Variants in LRRC4C observed in about 807,000 individuals in gnomAD.
The protein encoded by LRRC4C is leucine-rich repeat-containing protein 4C.
In LRRC4C, 5 loss-of-function variants were observed where a neutral mutation model predicts 33.6. The observed-to-expected ratio is 0.15, with a 90% confidence interval of 0.08 to 0.31. The LOEUF is 0.31. Ranked by LOEUF, LRRC4C falls within the 10% of genes least tolerant of loss-of-function variation. The pLI is 1.00. For synonymous variants in LRRC4C, 329 were observed against 302.0 expected, an observed-to-expected ratio of 1.09 and a Z score of -0.93; for missense variants, 560 against 796.7, an observed-to-expected ratio of 0.70 and a Z score of 3.58.
At chr11:41,391,280 G>C (rs981015787) in intron 1 of LRRC4C, among the ~76,000 whole-genome samples, 1 of 151,830 alleles carries the variant, frequency 6.6e-6, no homozygotes, top group Non-Finnish European at 1.5e-5. Flanking sequence ...GAAAAAAATA[G>C]AGCTAAAATA....
chr11:40,118,918 G>T lies in LRRC4C; in HGVS notation c.-42-2584C>A, dbSNP rs553698694. ...CACAGACAAGCAATGGAAGAAACTAGTGGCAAGCAGAGCAATTAGGAAGAC... is the reference window on the plus strand; with the variant it reads ...CACAGACAAGCAATGGAAGAAACTATTGGCAAGCAGAGCAATTAGGAAGAC... On this transcript the variant is annotated intron_variant, in intron 6 of 6. Coordinates refer to ENST00000528697, the MANE Select transcript of LRRC4C (RefSeq NM_001258419.2). Among the ~76,000 whole-genome samples the T allele has an allele frequency of 6.6e-5, 10 of 152,290 alleles. No individual in the cohort carries two copies. The East Asian group carries it at 1.7e-3, about 26-fold the overall frequency.
intron 1 of LRRC4C, among the ~76,000 whole-genome samples, chr11:40,975,052 C>T (rs1467098217): frequency 6.6e-6 from 1 of 152,170 alleles, no homozygotes; most frequent in Non-Finnish European, 1.5e-5. Context: ...TTGTGGAACT[C>T]CTCAGCTTCC....
chr11:40,759,717 C>G (rs1949111518), intron 2 of LRRC4C, among the ~76,000 whole-genome samples: 1 of 151,840 alleles, frequency 6.6e-6, no homozygotes, highest in Non-Finnish European at 1.5e-5. Context: ...TTATCAACTC[C>G]TTGTCGATAT....
intron 1 of LRRC4C, among the ~76,000 whole-genome samples, chr11:41,262,737 T>C (rs191679933): frequency 3.5e-4 from 54 of 152,222 alleles, no homozygotes; most frequent in African/African-American, 1.2e-3. Context: ...TCTGGAAATG[T>C]TTTTGAAATA....
At position 40,455,824 on chromosome 11, in the gene LRRC4C, A is replaced by T. The variant is rs374761394; in HGVS notation, c.-269-136103T>A. On this transcript the variant is annotated intron_variant, in intron 3 of 6. Coordinates refer to ENST00000528697, the MANE Select transcript of LRRC4C (RefSeq NM_001258419.2). ...TAGCACAGAACTGTATTGTGGGCAT[A>T]TTTTTTTCTCTCTCTCTGTGTTGGC... Among the ~76,000 whole-genome samples the T allele has an allele frequency of 1.0e-3, 155 of 152,040 alleles. 3 individuals carry two copies. The East Asian group carries it at 0.024, about 24-fold the overall frequency.
At chr11:40,297,256 T>A (rs989346354) in intron 4 of LRRC4C, among the ~76,000 whole-genome samples, 1 of 152,254 alleles carries the variant, frequency 6.6e-6, no homozygotes, top group Non-Finnish European at 1.5e-5. Context: ...GTCTTTATGC[T>A]GTGTTATAAA....
intron 4 of LRRC4C, among the ~76,000 whole-genome samples, chr11:40,303,901 A>G (rs1186274649): frequency 6.6e-6 from 1 of 152,200 alleles, no homozygotes; most frequent in Non-Finnish European, 1.5e-5. Flanking sequence ...GTGATTGAAT[A>G]TTATTCAACC....
At chr11:40,964,722 A>T (rs1041894867) in intron 1 of LRRC4C, among the ~76,000 whole-genome samples, 1 of 151,902 alleles carries the variant, frequency 6.6e-6, no homozygotes, top group Non-Finnish European at 1.5e-5. Context: ...ATGGCTGCAT[A>T]GTATTCCATG....
At chr11:40,947,613 C>T (rs1958464028) in intron 1 of LRRC4C, among the ~76,000 whole-genome samples, 1 of 152,036 alleles carries the variant, frequency 6.6e-6, no homozygotes, top group South Asian at 2.1e-4. Flanking sequence ...ATACTAGTTT[C>T]CTCAGGCATT....
At chr11:41,127,984 G>C (rs951059695) in intron 1 of LRRC4C, among the ~76,000 whole-genome samples, 4 of 152,048 alleles carry the variant, frequency 2.6e-5, no homozygotes, top group African/African-American at 7.2e-5. Flanking sequence ...CTATTGGCTG[G>C]CCCTGAATCT....
intron 3 of LRRC4C, among the ~76,000 whole-genome samples, chr11:40,643,174 A>G (rs1942227304): frequency 6.6e-6 from 1 of 152,198 alleles, no homozygotes; most frequent in African/African-American, 2.4e-5. Context: ...CAATAGGTAC[A>G]TATATATACA....
chr11:40,553,204 G>A (rs762077492), intron 3 of LRRC4C, among the ~76,000 whole-genome samples: 13 of 152,090 alleles, frequency 8.5e-5, no homozygotes, highest in South Asian at 2.1e-4. Flanking sequence ...CCCAGGAGAC[G>A]GAGGTGGCAG....
chr11:41,325,303 G>A (rs1172305949), intron 1 of LRRC4C, among the ~76,000 whole-genome samples: 2 of 152,166 alleles, frequency 1.3e-5, no homozygotes, highest in East Asian at 3.9e-4. Context: ...CACTTTTAAG[G>A]TGAGTTATTG....
chr11:41,013,903 C>T (rs577087360), intron 1 of LRRC4C, among the ~76,000 whole-genome samples: 11 of 152,100 alleles, frequency 7.2e-5, no homozygotes, highest in African/African-American at 2.7e-4. Flanking sequence ...GATGGAGGTG[C>T]TACACACTTT....
At chr11:40,886,361 A>G (rs1955451943) in intron 2 of LRRC4C, among the ~76,000 whole-genome samples, 1 of 150,860 alleles carries the variant, frequency 6.6e-6, no homozygotes, top group Non-Finnish European at 1.5e-5. Context: ...TTTCAATTCA[A>G]TGCAATAGAA....
At chr11:40,382,928 C>T (rs1277981460) in intron 3 of LRRC4C, among the ~76,000 whole-genome samples, 2 of 151,814 alleles carry the variant, frequency 1.3e-5, no homozygotes, top group African/African-American at 2.4e-5. Context: ...CTCCTGACCT[C>T]GTGATCCGCC....
chr11:40,397,716 C>T lies in LRRC4C; in HGVS notation c.-269-77995G>A, dbSNP rs180852946. ...TGGACAAATGTTCAAATGACACCTG[C>T]TAGCAGTAGGCTGAAAATGAGCATG... On this transcript the variant is annotated intron_variant, in intron 3 of 6. Transcript: ENST00000528697. 4.6e-4 allele frequency among the ~76,000 whole-genome samples: 70 copies of T among 152,080 alleles called. 1 individual carries two copies. Among genetic ancestry groups the T allele is most frequent in the African/African-American group, 1.6e-3 (66 of 41,516 alleles).
At chr11:40,855,221 T>C (rs1430764660) in intron 2 of LRRC4C, among the ~76,000 whole-genome samples, 7 of 152,190 alleles carry the variant, frequency 4.6e-5, no homozygotes, top group Non-Finnish European at 8.8e-5. Context: ...TTATAAAGCA[T>C]CTAAAGTGTT....
intron 2 of LRRC4C, among the ~76,000 whole-genome samples, chr11:40,876,675 C>A (rs1340233895): frequency 6.6e-6 from 1 of 151,806 alleles, no homozygotes; most frequent in Admixed American, 6.6e-5. Flanking sequence ...GAGGCCAAGG[C>A]GGGCAGATCA....
Sources: allele counts gnomAD v4.1 joint callset (sites outside exome capture counted in the v4.1 genomes callset), GRCh38; gene constraint gnomAD v4.1.1; transcripts MANE v1.5; gene names NCBI Gene and HGNC (gene_info 2026-07-23, HGNC 2026-07-21).